The following DOK6 variants were observed in gnomAD, a reference collection of about 807,000 sequenced individuals.
The protein encoded by DOK6 is docking protein 6, also known as downstream of tyrosine kinase 6.
Under a neutral mutation model 44.0 loss-of-function variants are expected in DOK6, and 22 were observed. The observed-to-expected ratio is 0.50, with a 90% CI of 0.36 to 0.71. DOK6 has a LOEUF of 0.71. Among genes scored for constraint, DOK6 ranks in the 30% least tolerant of loss-of-function variants. The probability of loss-of-function intolerance (pLI) is 0.00; values close to 1 mark genes in which losing one functional copy is unlikely to be tolerated. For synonymous variants in DOK6, 166 were observed against 145.5 expected, an observed-to-expected ratio of 1.14 and a Z score of -1.01; for missense variants, 340 against 416.4, an observed-to-expected ratio of 0.82 and a Z score of 1.60.
At chr18:69,819,198 T>G (rs1981495361) in intron 7 of DOK6, among the ~76,000 whole-genome samples, 7 of 152,214 alleles carry the variant, frequency 4.6e-5, no homozygotes, top group Admixed American at 4.6e-4. Context: ...TCACTCAATC[T>G]AATCCATATC....
chr18:69,824,657 A>G (rs555981832), intron 7 of DOK6, among the ~76,000 whole-genome samples: 1 of 152,348 alleles, frequency 6.6e-6, no homozygotes, highest in East Asian at 1.9e-4. Context: ...CACTGCACCC[A>G]GTGTCCTTCA....
At chr18:69,414,684 T>C (rs1466778269) in intron 1 of DOK6, among the ~76,000 whole-genome samples, 2 of 152,116 alleles carry the variant, frequency 1.3e-5, no homozygotes, top group East Asian at 1.9e-4. Context: ...GTCAGTATTT[T>C]GGTTATGAAA....
At chr18:69,532,845 A>G (rs562630819) in intron 1 of DOK6, 1 of 152,262 alleles carries the variant, frequency 6.6e-6, no homozygotes, top group African/African-American at 2.4e-5. Context: ...CTGGGTGACA[A>G]AGTGAGACCC....
intron 3 of DOK6, among the ~76,000 whole-genome samples, chr18:69,614,814 T>C (rs550350798): frequency 4.6e-4 from 70 of 151,630 alleles, no homozygotes; most frequent in Non-Finnish European, 5.0e-4. Context: ...CACACACACA[T>C]ATGTGTGTGT....
At chr18:69,810,810 G>A (rs7238881) in intron 7 of DOK6, among the ~76,000 whole-genome samples, 79,107 of 151,824 alleles carry the variant, frequency 0.52, 24,552 homozygotes, top group East Asian at 0.68. Flanking sequence ...AAGTGTTAGT[G>A]AGGATATGTA....
intron 6 of DOK6, among the ~76,000 whole-genome samples, chr18:69,741,237 T>C (rs985963245): frequency 1.2e-4 from 18 of 152,228 alleles, no homozygotes; most frequent in Non-Finnish European, 2.2e-4. Context: ...CTCCATCACT[T>C]GGCCCATACA....
chr18:69,699,830 G>GC (rs1986472183), intron 5 of DOK6, among the ~76,000 whole-genome samples: 1 of 152,018 alleles, frequency 6.6e-6, no homozygotes, highest in Non-Finnish European at 1.5e-5. Flanking sequence ...CTTTAAAAAG[G>GC]TAGTATATTA....
chr18:69,793,139 T>A (rs1980647083), intron 7 of DOK6, among the ~76,000 whole-genome samples: 2 of 152,184 alleles, frequency 1.3e-5, no homozygotes, highest in African/African-American at 4.8e-5. Flanking sequence ...GTATACTGCT[T>A]CACAGCCTGA....
chr18:69,557,920 G>C (rs543092727), intron 1 of DOK6, among the ~76,000 whole-genome samples: 3 of 152,024 alleles, frequency 2.0e-5, no homozygotes, highest in Non-Finnish European at 2.9e-5. Context: ...AGTAGTACCC[G>C]AAGAGACTGC....
chr18:69,697,423 CT>C (rs143587842), intron 4 of DOK6, among the ~76,000 whole-genome samples: 34,040 of 151,816 alleles, frequency 0.22, 3,835 homozygotes, highest in Middle Eastern at 0.29. Context: ...TTTCTTATGA[CT>C]TTTTTTGTAA....
intron 2 of DOK6, among the ~76,000 whole-genome samples, chr18:69,581,951 G>C (rs889898813): frequency 6.6e-6 from 1 of 152,132 alleles, no homozygotes; most frequent in South Asian, 2.1e-4. Context: ...TAGCCAGATG[G>C]GCCTGACATG....
intron 1 of DOK6, among the ~76,000 whole-genome samples, chr18:69,530,111 TTAGAGAG>T (rs1486064903): frequency 6.6e-6 from 1 of 152,140 alleles, no homozygotes; most frequent in Non-Finnish European, 1.5e-5. Flanking sequence ...TATTACCATC[TTAGAGAG>T]TACTAAACTG....
rs571255435 is a variant in DOK6, at chr18:69,799,289, C to T, written c.856+41416C>T. On this transcript the variant is annotated intron_variant, in intron 7 of 7. Coordinates refer to ENST00000382713, the MANE Select transcript of DOK6 (RefSeq NM_152721.6). The stretch of plus-strand genomic sequence containing the variant: ...AATTCCTATTCTTTAAGAAGTTTAT[C>T]GTCAGCAGCAATATGCTGAAGACTA... Among the ~76,000 whole-genome samples, 28 of 152,048 alleles carry T rather than the reference C, an allele frequency of 1.8e-4. 2 individuals are homozygous for T. In the South Asian group the frequency reaches 2.1e-3, roughly 11 times the overall value.
chr18:69,473,173 C>T (rs980628753), intron 1 of DOK6, among the ~76,000 whole-genome samples: 1 of 152,136 alleles, frequency 6.6e-6, no homozygotes, highest in African/African-American at 2.4e-5. Flanking sequence ...CTTGCTGTTT[C>T]ATTATAAATA....
chr18:69,665,922 C>G (rs918329564), intron 3 of DOK6, among the ~76,000 whole-genome samples: 3 of 152,044 alleles, frequency 2.0e-5, no homozygotes, highest in African/African-American at 7.2e-5. Flanking sequence ...TTCCCTGAAC[C>G]ATTTCTCTAT....
chr18:69,597,838 G>C (rs577186754), intron 2 of DOK6, among the ~76,000 whole-genome samples: 2 of 152,324 alleles, frequency 1.3e-5, no homozygotes, highest in African/African-American at 4.8e-5. Context: ...AATGACCACA[G>C]ATGTGCCATG....
At chr18:69,518,744 T>C (rs954031813) in intron 1 of DOK6, among the ~76,000 whole-genome samples, 1 of 152,078 alleles carries the variant, frequency 6.6e-6, no homozygotes, top group Non-Finnish European at 1.5e-5. Context: ...TTCTAAAAAA[T>C]ATGTATCAAA....
chr18:69,592,560 T>C (rs1003299120), intron 2 of DOK6, among the ~76,000 whole-genome samples: 3 of 152,156 alleles, frequency 2.0e-5, no homozygotes, highest in Admixed American at 1.3e-4. Flanking sequence ...GGCATTAGTC[T>C]TGTCATTTAT....
chr18:69,549,384 A>G (rs1327019557), intron 1 of DOK6, among the ~76,000 whole-genome samples: 2 of 151,518 alleles, frequency 1.3e-5, no homozygotes, highest in Non-Finnish European at 3.0e-5. Flanking sequence ...TAGTAGTTGT[A>G]GGATGAGGCA....
Sources: allele counts gnomAD v4.1 joint callset (sites outside exome capture counted in the v4.1 genomes callset), GRCh38; gene constraint gnomAD v4.1.1; transcripts MANE v1.5; gene names NCBI Gene and HGNC (gene_info 2026-07-23, HGNC 2026-07-21).